UHRF2: variants seen among roughly 807,000 people sequenced by gnomAD.
UHRF2 encodes the protein E3 ubiquitin-protein ligase UHRF2.
A neutral mutation model predicts 96.8 loss-of-function variants in UHRF2; 23 were observed. The observed-to-expected ratio is 0.24, with a 90% CI of 0.17 to 0.34. The LOEUF is 0.34. Ranked by LOEUF, UHRF2 falls within the 10% of genes least tolerant of loss-of-function variation. UHRF2 has a pLI of 1.00. For synonymous variants in UHRF2, 385 were observed against 332.6 expected (o/e 1.16, Z -1.72); for missense variants, 685 against 981.5 (o/e 0.70, Z 4.04).
rs760957476 is a variant in UHRF2 at position 6,504,628 on chromosome 9, C to T, written c.2199C>T (p.Cys733=). ...AAAAATTGGAACAATCTTTTATGTG[C>T]GTTTGCTGTCAGGAGCTAGTTTACC... ...FLKKLEQSFM[C]VCCQELVYQP... is the part of the protein sequence containing the mutation. Residue 733 remains cysteine (C), a synonymous_variant, in exon 15 of 16, where the codon TGC becomes TGT. Transcript: ENST00000276893. The T allele has an allele frequency of 3.7e-6, 6 of 1,613,608 alleles. No homozygotes were observed. In the Admixed American group the frequency reaches 5.0e-5, roughly 13 times the overall value.
chr9:6,462,194 G>A (rs1822584782), intron 4 of UHRF2, among the ~76,000 whole-genome samples: 2 of 152,050 alleles, frequency 1.3e-5, no homozygotes. Flanking sequence ...ATTAATTTAT[G>A]TATTATCTGT....
chr9:6,489,622 T>C (rs1824531764), intron 9 of UHRF2, among the ~76,000 whole-genome samples: 1 of 152,220 alleles, frequency 6.6e-6, no homozygotes, highest in Non-Finnish European at 1.5e-5. Flanking sequence ...AGGTGTGTGT[T>C]GATATCTTAT....
intron 3 of UHRF2, among the ~76,000 whole-genome samples, chr9:6,453,216 C>G (rs568387285): frequency 1.3e-5 from 2 of 152,150 alleles, no homozygotes; most frequent in Admixed American, 1.3e-4. Context: ...TCCATATAAA[C>G]ATAACTGTAT....
At chr9:6,436,096 A>G (rs1171234760) in intron 3 of UHRF2, among the ~76,000 whole-genome samples, 1 of 152,230 alleles carries the variant, frequency 6.6e-6, no homozygotes, top group Non-Finnish European at 1.5e-5. Context: ...ATACATTAAT[A>G]TGTATGGAAA....
Position 6,442,672 on chromosome 9 carries a change from G to T in UHRF2, c.644+8499G>T, listed in dbSNP as rs905937521. On this transcript the variant is annotated intron_variant, in intron 3 of 15. Coordinates refer to ENST00000276893, the MANE Select transcript of UHRF2 (RefSeq NM_152896.3). ...TTTTGATTTTTTTTTTTTTTGGGGG[G>T]GTAGAGATGGGGTCTCACTTTGTTG... 5.3e-5 allele frequency among the ~76,000 whole-genome samples: 8 copies of T among 150,924 alleles called. No homozygotes were observed. In the South Asian group the frequency reaches 1.5e-3, roughly 28 times the overall value.
intron 2 of UHRF2, among the ~76,000 whole-genome samples, chr9:6,431,626 A>T (rs764980382): frequency 1.8e-4 from 28 of 152,198 alleles, no homozygotes; most frequent in Non-Finnish European, 3.1e-4. Context: ...GGTTTACTAT[A>T]TTCAAAGAAT....
At chr9:6,430,365 T>C (rs557848286) in intron 2 of UHRF2, among the ~76,000 whole-genome samples, 4 of 152,316 alleles carry the variant, frequency 2.6e-5, no homozygotes, top group Admixed American at 6.5e-5. Context: ...TGTAGAATTA[T>C]GTGGTTGGCT....
chr9:6,420,073 T>A (rs570692116), intron 1 of UHRF2, among the ~76,000 whole-genome samples: 2 of 151,808 alleles, frequency 1.3e-5, no homozygotes, highest in Admixed American at 1.3e-4. Context: ...TTTTTTTTTC[T>A]TTTTTGACAG....
chr9:6,472,237 T>A (rs1424323629), intron 4 of UHRF2, among the ~76,000 whole-genome samples: 5 of 152,230 alleles, frequency 3.3e-5, no homozygotes, highest in Non-Finnish European at 7.3e-5. Flanking sequence ...AAGAAATGTG[T>A]ACTCTAGCTG....
chr9:6,469,536 A>T (rs571754080), intron 4 of UHRF2, among the ~76,000 whole-genome samples: 1 of 152,056 alleles, frequency 6.6e-6, no homozygotes, highest in South Asian at 2.1e-4. Context: ...ATTAAAAAAC[A>T]TAAAAAAATA....
chr9:6,423,717 G>C (rs1019330522), intron 2 of UHRF2, among the ~76,000 whole-genome samples: 1 of 151,618 alleles, frequency 6.6e-6, no homozygotes, highest in Non-Finnish European at 1.5e-5. Flanking sequence ...AGGCCGAGGC[G>C]GGTGGATCAT....
At chr9:6,432,836 G>A (rs1387064704) in intron 2 of UHRF2, among the ~76,000 whole-genome samples, 1 of 151,256 alleles carries the variant, frequency 6.6e-6, no homozygotes, top group Non-Finnish European at 1.5e-5. Flanking sequence ...AAGGGCTCTG[G>A]CCATTTTTTT....
rs374877168 is a variant in UHRF2, at chr9:6,427,612, G to C, written c.385-6302G>C. 7.2e-5 allele frequency among the ~76,000 whole-genome samples: 11 copies of C among 152,274 alleles called. No homozygotes were observed. The East Asian group carries it at 1.5e-3, about 21-fold the overall frequency. ...AGACGGGAGAATCACTTGAACCCAGGAGGTGGAGGTTTCAGTGAGCTTAGA... is the reference window on the plus strand; with the variant it reads ...AGACGGGAGAATCACTTGAACCCAGCAGGTGGAGGTTTCAGTGAGCTTAGA... On this transcript the variant is annotated intron_variant, in intron 2 of 15. Transcript: ENST00000276893.
chr9:6,478,950 A>G (rs1188127062), intron 6 of UHRF2, among the ~76,000 whole-genome samples: 2 of 152,104 alleles, frequency 1.3e-5, no homozygotes, highest in African/African-American at 4.8e-5. Flanking sequence ...AATGGATGAC[A>G]TATTCCTGCT....
chr9:6,472,226 CAAG>C (rs1823285805), intron 4 of UHRF2, among the ~76,000 whole-genome samples: 2 of 152,130 alleles, frequency 1.3e-5, no homozygotes, highest in Admixed American at 6.5e-5. Flanking sequence ...ACTCTTTCTC[CAAG>C]AAATGTGTAC....
rs1027801811 is a variant in UHRF2, at chr9:6,447,040, T to C, written c.644+12867T>C. Among the ~76,000 whole-genome samples the C allele has an allele frequency of 4.6e-5, 7 of 151,984 alleles. No homozygotes were observed. The Middle Eastern group carries it at 0.017, about 369-fold the overall frequency. On this transcript the variant is annotated intron_variant, in intron 3 of 15. Coordinates refer to ENST00000276893, the MANE Select transcript of UHRF2 (RefSeq NM_152896.3). ...AGTAGCTGGGACCACAGGTGCCTGC[T>C]ACCACACCCGGCTAATTTTTTTGTA...
Position 6,457,438 on chromosome 9 carries a change from C to G in UHRF2, c.645-3135C>G, listed in dbSNP as rs1822250208. ...TGATGGGGTTTTCTAAATATACAAT[C>G]ATGTCATCTACAAACAGGGACAATT... is the stretch of plus-strand genomic sequence containing the variant. On this transcript the variant is annotated intron_variant, in intron 3 of 15. Coordinates refer to ENST00000276893, the MANE Select transcript of UHRF2 (RefSeq NM_152896.3). Among the ~76,000 whole-genome samples the G allele has an allele frequency of 2.0e-5, 3 of 152,148 alleles. No individual in the cohort carries two copies. In the South Asian group the frequency reaches 6.2e-4, roughly 32 times the overall value.
chr9:6,428,660 C>T (rs1230822046), intron 2 of UHRF2, among the ~76,000 whole-genome samples: 1 of 146,556 alleles, frequency 6.8e-6, no homozygotes, highest in Non-Finnish European at 1.5e-5. Flanking sequence ...AGCGATCCTG[C>T]TGCCTCAGCT....
chr9:6,487,171 A>ATTTTTTATTTTTTATTT (rs1824337943), intron 9 of UHRF2, among the ~76,000 whole-genome samples: 1 of 83,832 alleles, frequency 1.2e-5, no homozygotes, highest in Admixed American at 1.2e-4. Context: ...TAGAGCTTTT[A>ATTTTTTATTTTTTATTT]TTTTTTTTTC....
Sources: allele counts gnomAD v4.1 joint callset (sites outside exome capture counted in the v4.1 genomes callset), GRCh38; gene constraint gnomAD v4.1.1; transcripts MANE v1.5; gene names NCBI Gene and HGNC (gene_info 2026-07-23, HGNC 2026-07-21).